The following DLAT variants were observed in gnomAD, a reference collection of about 807,000 sequenced individuals.
DLAT encodes the protein dihydrolipoamide S-acetyltransferase.
In DLAT, 43 loss-of-function variants were observed where a neutral mutation model predicts 68.0. That is an observed-to-expected ratio of 0.63 (90% CI 0.50 to 0.81). DLAT has a LOEUF of 0.81. Among genes scored for constraint, DLAT ranks in the 40% least tolerant of loss-of-function variants. The pLI is 0.00. For synonymous variants in DLAT, 265 were observed against 288.6 expected, an observed-to-expected ratio of 0.92 and a Z score of 0.83; for missense variants, 745 against 815.4, an observed-to-expected ratio of 0.91 and a Z score of 1.05.
intron 11 of DLAT, among the ~76,000 whole-genome samples, chr11:112,052,683 G>A (rs1412831878): frequency 3.9e-5 from 6 of 152,002 alleles, no homozygotes; most frequent in Non-Finnish European, 7.4e-5. Flanking sequence ...TCTTAATAGA[G>A]GGGGCTGGGG....
rs1311809853 is a variant in DLAT at position 112,036,167 on chromosome 11, ATGTGTGTGTG to A, written c.788-1080_788-1071del. 6.4e-4 allele frequency among the ~76,000 whole-genome samples: 53 copies of A among 82,546 alleles called. 1 individual carries two copies. The highest frequency in any genetic ancestry group is 2.5e-3 in the African/African-American group (47 of 18,462). 54.2% of individuals were successfully genotyped at this position (82,546 alleles called of 152,430 possible). On this transcript the variant is annotated intron_variant, in intron 5 of 13. Transcript: ENST00000280346. The stretch of plus-strand genomic sequence containing the variant: ...TATATATATATATGTGTGTGTATAT[ATGTGTGTGTG>A]TGTGTGTGTGTGTGTGTGTGTGTGT...
intron 11 of DLAT, among the ~76,000 whole-genome samples, chr11:112,059,028 A>G (rs1262665309): frequency 6.6e-6 from 1 of 151,934 alleles, no homozygotes; most frequent in Non-Finnish European, 1.5e-5. Flanking sequence ...GGACTCCTTG[A>G]TAACAGAAGA....
At chr11:112,052,105 G>A (rs1863674323) in intron 11 of DLAT, among the ~76,000 whole-genome samples, 1 of 152,248 alleles carries the variant, frequency 6.6e-6, no homozygotes, top group Non-Finnish European at 1.5e-5. Flanking sequence ...GTTTCTTGCT[G>A]TGTAGATGCT....
intron 13 of DLAT, among the ~76,000 whole-genome samples, 195 bp from the exon 14 acceptor site, chr11:112,062,211 T>C (rs1864675802): frequency 6.6e-6 from 1 of 152,212 alleles, no homozygotes. Context: ...TTTGGCCCAT[T>C]GCCCACCCAT....
chr11:112,059,765 T>G, intron 11 of DLAT, 138 bp from the exon 12 acceptor site: 1 of 662,992 alleles, frequency 1.5e-6, no homozygotes, highest in Non-Finnish European at 2.5e-6. Flanking sequence ...ATAGACATCT[T>G]AATTTTTGTC....
chr11:112,049,040 C>T (rs1218823063), intron 10 of DLAT, among the ~76,000 whole-genome samples: 4 of 133,696 alleles, frequency 3.0e-5, no homozygotes, highest in Non-Finnish European at 6.1e-5. Context: ...AGTGCAGTGG[C>T]GTGATCTTGG....
intron 11 of DLAT, among the ~76,000 whole-genome samples, chr11:112,053,398 C>A (rs987283310): frequency 6.6e-6 from 1 of 151,872 alleles, no homozygotes; most frequent in African/African-American, 2.4e-5. Flanking sequence ...TTGTTCTAAC[C>A]CTTAATCTGA....
chr11:112,027,205 G>A (rs1555179432), intron 2 of DLAT, among the ~76,000 whole-genome samples: 1 of 149,002 alleles, frequency 6.7e-6, no homozygotes, highest in Admixed American at 6.7e-5. Context: ...CAGGCGGAGG[G>A]TCTCTTCACT....
At chr11:112,033,064 A>C (rs1464691762) in intron 4 of DLAT, among the ~76,000 whole-genome samples, 2 of 152,020 alleles carry the variant, frequency 1.3e-5, no homozygotes, top group African/African-American at 4.8e-5. Flanking sequence ...ACTCTGTCTC[A>C]AAATAAAAAT....
intron 3 of DLAT, 53 bp downstream of exon 3, chr11:112,028,692 A>G: frequency 1.2e-6 from 2 of 1,614,136 alleles, no homozygotes; most frequent in African/African-American, 1.3e-5. Context: ...GGAGTATTTT[A>G]CCCAGAATTG....
In DLAT at chr11:112,063,445, C is replaced by CAT. The variant is rs1426466556; in HGVS notation, c.*913_*914dup. ...AAGGAATATATATGGAATAAGTGTA[C>CAT]ATATGTAAAATATTGTTACTAGAGT... On this transcript the variant is annotated 3_prime_UTR_variant, in exon 14 of 14. Transcript: ENST00000280346. 1 of 152,570 alleles carries CAT rather than the reference C, an allele frequency of 6.6e-6. No individual in the cohort carries two copies. The highest frequency in any genetic ancestry group is 1.5e-5 in the Non-Finnish European group (1 of 68,018). 9.5% of individuals were successfully genotyped at this position (152,570 alleles called of 1,614,324 possible). A position where few individuals can be genotyped will look rare whatever the true frequency, so the allele number is the denominator to read the frequency against.
At chr11:112,045,041 C>CAAAAA in intron 8 of DLAT, 97 bp from the exon 9 acceptor site, 34 of 789,040 alleles carry the variant, frequency 4.3e-5, no homozygotes, top group Non-Finnish European at 5.9e-5. Context: ...TCTCAAAAGA[C>CAAAAA]AAAAAAAAAA....
rs1421538864 is a variant in DLAT, at chr11:112,026,965, G to A, written c.381+666G>A. ...GGGCTGACCCCCCCACTTCCCTCCC[G>A]GACGGGGCGGCTGGCTGGGCGGGGG... On this transcript the variant is annotated intron_variant, in intron 2 of 13. Coordinates refer to ENST00000280346, the MANE Select transcript of DLAT (RefSeq NM_001931.5). 6.7e-5 allele frequency among the ~76,000 whole-genome samples: 10 copies of A among 150,266 alleles called. No homozygotes were observed. The South Asian group carries it at 8.4e-4, about 13-fold the overall frequency.
chr11:112,032,493 T>A (rs1862467635), intron 4 of DLAT: 1 of 152,168 alleles, frequency 6.6e-6, no homozygotes, highest in South Asian at 2.1e-4. Flanking sequence ...AAATAATGTT[T>A]TTTTTTTTAA....
Position 112,025,724 on chromosome 11 carries a change from CTAT to C in DLAT, c.255_257del (p.Tyr86del), listed in dbSNP as rs782460803. The stretch of plus-strand genomic sequence containing the variant: ...AGCTTTTGGGGTCGCCCGGCCGCCG[CTAT>C]TACAGTCTTCCCCCGCATCAGAAGG... On this transcript the variant is annotated inframe_deletion, in exon 1 of 14. Transcript: ENST00000280346. 36 of 1,613,102 alleles carry C rather than the reference CTAT, an allele frequency of 2.2e-5. No individual in the cohort carries two copies. The highest frequency in any genetic ancestry group is 2.5e-6 in the Non-Finnish European group (3 of 1,179,904).
intron 11 of DLAT, among the ~76,000 whole-genome samples, chr11:112,059,245 T>A (rs2846623): frequency 6.6e-6 from 1 of 152,106 alleles, no homozygotes; most frequent in Non-Finnish European, 1.5e-5. Flanking sequence ...GAGTTCTGAT[T>A]GGTGGGGTTT....
intron 8 of DLAT, among the ~76,000 whole-genome samples, chr11:112,044,529 G>C (rs868962466): frequency 2.0e-5 from 3 of 152,060 alleles, no homozygotes; most frequent in African/African-American, 7.2e-5. Context: ...ATTATTCCTT[G>C]CAACTTAAGA....
rs1862825301 is a variant in DLAT at position 112,037,330 on chromosome 11, G to A, written c.845G>A (p.Arg282Lys). Reference protein sequence around the residue: ...LAKILVPEGTRDVPLGTPLCI... With the variant: ...LAKILVPEGTKDVPLGTPLCI... ...AAAATCCTGGTCCCTGAAGGCACAA[G>A]AGATGTCCCTCTAGGAACCCCACTC... Residue 282 changes from arginine to lysine, a missense_variant, in exon 6 of 14, where the codon AGA becomes AAA. Coordinates refer to ENST00000280346, the MANE Select transcript of DLAT (RefSeq NM_001931.5). The A allele has an allele frequency of 6.2e-7, 1 of 1,614,182 alleles. No homozygotes were observed. The highest frequency in any genetic ancestry group is 1.6e-4 in the Middle Eastern group (1 of 6,062).
At chr11:112,026,732 CA>C (rs1275238584) in intron 2 of DLAT, among the ~76,000 whole-genome samples, 1 of 152,222 alleles carries the variant, frequency 6.6e-6, no homozygotes, top group African/African-American at 2.4e-5. Flanking sequence ...ACAGACACGG[CA>C]ACCATCCGAT....
Sources: gnomAD v4.1 joint callset for allele counts (sites outside exome capture counted in the v4.1 genomes callset) on GRCh38, gnomAD v4.1.1 for gene constraint, MANE v1.5 for transcripts, NCBI Gene and HGNC (gene_info 2026-07-23, HGNC 2026-07-21) for gene names.